The following ZNF106 variants were observed in gnomAD, a reference collection of about 807,000 sequenced individuals.
ZNF106 encodes SH3-domain binding protein 3.
A neutral mutation model predicts 195.1 loss-of-function variants in ZNF106; 67 were observed. That is an observed-to-expected ratio of 0.34 (90% confidence interval 0.28 to 0.42). The LOEUF (loss-of-function observed/expected upper bound fraction) is 0.42. Among genes scored for constraint, ZNF106 ranks in the 10% least tolerant of loss-of-function variants. ZNF106 has a pLI of 1.00. For synonymous variants in ZNF106, 784 were observed against 818.6 expected (o/e 0.96, Z 0.72); for missense variants, 2,118 against 2,304.5 (o/e 0.92, Z 1.66).
intron 14 of ZNF106, among the ~76,000 whole-genome samples, chr15:42,433,847 G>T (rs1023609553): frequency 6.6e-6 from 1 of 151,664 alleles, no homozygotes; most frequent in East Asian, 1.9e-4. Flanking sequence ...GTTTGTTTTG[G>T]TTAATTTTTA....
In ZNF106 at chr15:42,450,089, T is replaced by C; in HGVS notation, c.2183A>G (p.Lys728Arg). ...ESASLDAELQKSDISQPSGPL... is the reference protein window; with the variant it reads ...ESASLDAELQRSDISQPSGPL... Reference sequence around the variant, plus strand: ...GCCCGAGGGCTGACTGATGTCACTTTTTTGAAGCTCTGCATCCAAGCTAGC... The same window carrying C: ...GCCCGAGGGCTGACTGATGTCACTTCTTTGAAGCTCTGCATCCAAGCTAGC... Residue 728 changes from lysine (K) to arginine (R), a missense_variant, in exon 5 of 22, where the codon AAA (lysine) becomes AGA (arginine). Coordinates refer to ENST00000564754, the MANE Select transcript of ZNF106 (RefSeq NM_001366845.3). 6.2e-7 allele frequency: 1 copy of C among 1,614,204 alleles called. No homozygotes were observed. Among genetic ancestry groups the C allele is most frequent in the Non-Finnish European group, 8.5e-7 (1 of 1,180,028 alleles).
In ZNF106 at chr15:42,451,186, G is replaced by A. The variant is rs375228844; in HGVS notation, c.1086C>T (p.Gly362=). The A allele has an allele frequency of 6.2e-7, 1 of 1,614,114 alleles. No individual in the cohort carries two copies. The highest frequency in any genetic ancestry group is 8.5e-7 in the Non-Finnish European group (1 of 1,180,012). The part of the protein sequence containing the change: ...TATSKVSGKN[G]SAAREKPRRW... The stretch of plus-strand genomic sequence containing the variant: ...GACGAGGCTTTTCCCTTGCCGCACT[G>A]CCATTCTTTCCACTAACTTTGGAAG... The change falls in exon 5 of 22, where the codon GGC becomes GGT. Residue 362 remains glycine, a synonymous_variant. Transcript: ENST00000564754.
In ZNF106 at chr15:42,448,424, T is replaced by C; in HGVS notation, c.2783A>G (p.Lys928Arg). 2 of 1,614,158 alleles carry C rather than the reference T, an allele frequency of 1.2e-6. No individual in the cohort carries two copies. Among genetic ancestry groups the C allele is most frequent in the Non-Finnish European group, 1.7e-6 (2 of 1,180,024 alleles). ...SNSLRAGQSQ[K>R]ATMHLKQEVT... ...TTCTTGTTTGAGGTGCATGGTTGCTTTCTGGCTCTGTCCAGCCCTCAATGA... is the reference window on the plus strand; with the variant it reads ...TTCTTGTTTGAGGTGCATGGTTGCTCTCTGGCTCTGTCCAGCCCTCAATGA... Residue 928 changes from lysine (K) to arginine (R), a missense_variant, in exon 6 of 22, where the codon AAA (lysine) becomes AGA (arginine). By Grantham distance (26) the Lys-to-Arg change is conservative. Coordinates refer to ENST00000564754, the MANE Select transcript of ZNF106 (RefSeq NM_001366845.3).
At chr15:42,426,490 C>A (rs577059308) in intron 15 of ZNF106, among the ~76,000 whole-genome samples, 2 of 151,380 alleles carry the variant, frequency 1.3e-5, no homozygotes, top group Non-Finnish European at 2.9e-5. Context: ...GCCTTGAAGT[C>A]CTGGCCCCAA....
At chr15:42,479,681 A>G (rs1595497481) in intron 1 of ZNF106, among the ~76,000 whole-genome samples, 2 of 152,030 alleles carry the variant, frequency 1.3e-5, no homozygotes, top group Non-Finnish European at 1.5e-5. Flanking sequence ...ATCTCTACTA[A>G]TAATATAAAA....
Position 42,450,605 on chromosome 15 carries a change from T to G in ZNF106, c.1667A>C (p.Asp556Ala), listed in dbSNP as rs1322969669. 6.2e-7 allele frequency: 1 copy of G among 1,614,076 alleles called. No individual in the cohort carries two copies. The highest frequency in any genetic ancestry group is 8.5e-7 in the Non-Finnish European group (1 of 1,180,052). ...CACCTCTTTGGCCTTTCGTAAAGTA[T>G]CATTTAAATTATCACCAGATTGCTT... Reference protein sequence around the residue: ...SQKQSGDNLNDTLRKAKEVLQ... With the variant: ...SQKQSGDNLNATLRKAKEVLQ... Residue 556 changes from aspartate to alanine, a missense_variant, in exon 5 of 22, where the codon GAT (aspartate) becomes GCT (alanine). Transcript: ENST00000564754.
Position 42,422,374 on chromosome 15 carries a change from T to A in ZNF106, c.5373+127A>T, listed in dbSNP as rs944724445. ...CCACAGGCCAGCTGTTTCATAATTATCTAGAATGCTTGTGAAAATACAGAT... is the reference window on the plus strand; with the variant it reads ...CCACAGGCCAGCTGTTTCATAATTAACTAGAATGCTTGTGAAAATACAGAT... On this transcript the variant is annotated intron_variant, in intron 18 of 21. Transcript: ENST00000564754. 2.9e-5 allele frequency: 37 copies of A among 1,264,932 alleles called. 1 individual carries two copies. In the Middle Eastern group the frequency reaches 1.1e-3, roughly 39 times the overall value. 78.4% of individuals were successfully genotyped at this position (1,264,932 alleles called of 1,614,324 possible). A position where few individuals can be genotyped will look rare whatever the true frequency, so the allele number is the denominator to read the frequency against.
At chr15:42,446,738 G>A in intron 6 of ZNF106, 80 bp from the exon 7 acceptor site, 1 of 1,232,140 alleles carries the variant, frequency 8.1e-7, no homozygotes. Context: ...TCAATTCTAA[G>A]ATAGCCATAC....
intron 1 of ZNF106, among the ~76,000 whole-genome samples, chr15:42,487,790 T>C (rs897265740): frequency 6.6e-6 from 1 of 152,122 alleles, no homozygotes; most frequent in Non-Finnish European, 1.5e-5. Context: ...CAATAACTCA[T>C]TTCCCCCTCC....
chr15:42,439,573 A>G lies in ZNF106; in HGVS notation c.4004T>C (p.Leu1335Pro), dbSNP rs766332561. Reference sequence around the variant, plus strand: ...GGTTTCTGAAGCAAAAGACAATCTTAGAAAAGAACTGGTACAGGCTTCAGA... The same window carrying G: ...GGTTTCTGAAGCAAAAGACAATCTTGGAAAAGAACTGGTACAGGCTTCAGA... Reference protein sequence around the residue: ...SGSEACTSSFLRLSFASETPL... With the variant: ...SGSEACTSSFPRLSFASETPL... Residue 1335 changes from leucine to proline, a missense_variant, in exon 11 of 22, where the codon CTA (leucine) becomes CCA (proline). Transcript: ENST00000564754. 6.2e-7 allele frequency: 1 copy of G among 1,614,216 alleles called. No homozygotes were observed.
chr15:42,457,567 T>A, intron 3 of ZNF106: 1 of 1,022,522 alleles, frequency 9.8e-7, no homozygotes, highest in Non-Finnish European at 1.2e-6. Context: ...ATTTAATCTT[T>A]AGTCTAGAGC....
At chr15:42,421,269 G>A (rs957148721) in intron 19 of ZNF106, 137 bp from the exon 20 acceptor site, 1 of 763,498 alleles carries the variant, frequency 1.3e-6, no homozygotes. Context: ...CAGAGCAGGA[G>A]AATGGGAAAG....
intron 9 of ZNF106, among the ~76,000 whole-genome samples, chr15:42,443,484 T>G (rs566490613): frequency 6.6e-6 from 1 of 152,130 alleles, no homozygotes; most frequent in Non-Finnish European, 1.5e-5. Flanking sequence ...CATTTTTTAA[T>G]TTTTATAACT....
intron 15 of ZNF106, chr15:42,427,583 A>C (rs2054901733): frequency 6.5e-6 from 1 of 154,938 alleles, no homozygotes; most frequent in African/African-American, 2.4e-5. Context: ...ATTTTTCTTC[A>C]TTTTTTTTAA....
chr15:42,488,955 G>A (rs565623804), intron 1 of ZNF106, among the ~76,000 whole-genome samples: 199 of 151,506 alleles, frequency 1.3e-3, no homozygotes, highest in Middle Eastern at 3.4e-3. Flanking sequence ...GTGGGCACCT[G>A]TAATCCCAGC....
chr15:42,436,355 T>C (rs1011650904), intron 13 of ZNF106, among the ~76,000 whole-genome samples: 3 of 152,194 alleles, frequency 2.0e-5, no homozygotes, highest in African/African-American at 7.2e-5. Flanking sequence ...TATTTTGATA[T>C]CCTGTTCCCC....
At chr15:42,465,965 C>T (rs530029379) in intron 3 of ZNF106, 88 bp downstream of exon 3, 30 of 1,061,044 alleles carry the variant, frequency 2.8e-5, no homozygotes, top group South Asian at 2.8e-4. Flanking sequence ...TTGCTTTTGA[C>T]GGATTACTGC....
At chr15:42,423,501 T>C (rs7170566) in intron 17 of ZNF106, among the ~76,000 whole-genome samples, 3,175 of 152,154 alleles carry the variant, frequency 0.021, 109 homozygotes, top group African/African-American at 0.073. Flanking sequence ...CTCAGCCTCC[T>C]GAGTAGCTGG....
At chr15:42,471,991 G>C (rs1181531563) in intron 2 of ZNF106, among the ~76,000 whole-genome samples, 2 of 152,058 alleles carry the variant, frequency 1.3e-5, no homozygotes, top group Non-Finnish European at 2.9e-5. Flanking sequence ...ATCTAGTTTT[G>C]AATACGCTCA....
Sources: gnomAD v4.1 joint callset for allele counts (sites outside exome capture counted in the v4.1 genomes callset) on GRCh38, gnomAD v4.1.1 for gene constraint, MANE v1.5 for transcripts, NCBI Gene and HGNC (gene_info 2026-07-23, HGNC 2026-07-21) for gene names.